RIN1: variants seen among roughly 807,000 people sequenced by gnomAD.
RIN1 encodes Ras and Rab interactor 1.
A neutral mutation model predicts 64.9 loss-of-function variants in RIN1; 52 were observed. The ratio of observed to expected loss-of-function variants is 0.80; its 90% CI spans 0.64 to 1.01. The LOEUF (loss-of-function observed/expected upper bound fraction) is 1.01, where lower values mean the gene tolerates loss of function less well. Ranked by LOEUF, RIN1 falls within the 50% of genes least tolerant of loss-of-function variation. RIN1 has a pLI of 0.00. For missense variants in RIN1, 1,040 were observed against 1,064.5 expected, an observed-to-expected ratio of 0.98 and a Z score of 0.32; for synonymous variants, 486 against 483.6, an observed-to-expected ratio of 1.00 and a Z score of -0.06.
chr11:66,334,933 C>A lies in RIN1; in HGVS notation c.866G>T (p.Arg289Met). ...CACGCGGTACCCCACTGAGCTCTCC[C>A]TCCGTAGCAGCTGGCAAGGGGGCAG... ...ERLPPCQLLR[R>M]ESSVGYRVPA... Residue 289 changes from arginine to methionine, a missense_variant, in exon 6 of 10, where the codon AGG becomes ATG. Arg to Met is a moderately conservative substitution (Grantham distance 91, BLOSUM62 -1). Transcript: ENST00000311320. 6.3e-7 allele frequency: 1 copy of A among 1,587,286 alleles called. No individual in the cohort carries two copies.
chr11:66,332,411 A>G lies in RIN1; in HGVS notation c.2217T>C (p.Ala739=). Residue 739 remains alanine (A), a synonymous_variant, in exon 10 of 10, where the codon GCT becomes GCC. Coordinates refer to ENST00000311320, the MANE Select transcript of RIN1 (RefSeq NM_004292.3). ...EEQGCQGDGD[A]GVKASPRDIR... ...TGTCCCTGGGGCTGGCTTTGACCCCAGCATCCCCATCTCCCTGGCACCCTT... is the reference window on the plus strand; with the variant it reads ...TGTCCCTGGGGCTGGCTTTGACCCCGGCATCCCCATCTCCCTGGCACCCTT... 6.2e-7 allele frequency: 1 copy of G among 1,614,066 alleles called. No homozygotes were observed. The highest frequency in any genetic ancestry group is 1.3e-5 in the African/African-American group (1 of 74,988).
Position 66,332,733 on chromosome 11 carries a change from T to C in RIN1, c.1895A>G (p.Tyr632Cys), listed in dbSNP as rs1168225352. Residue 632 changes from tyrosine (Y) to cysteine (C), a missense_variant, in exon 10 of 10, where the codon TAT becomes TGT. Transcript: ENST00000311320. ...GGTGCAGCCACTGCTGGGATCCTGA[T>C]AGGCTACTCGGAGGAGGTGCTATGC... ...HCFQHLLRVA[Y>C]QDPSSGCTSK... is the part of the protein sequence containing the mutation. The C allele has an allele frequency of 1.3e-6, 2 of 1,518,998 alleles. No individual in the cohort carries two copies. Among genetic ancestry groups the C allele is most frequent in the Non-Finnish European group, 1.8e-6 (2 of 1,134,650 alleles). The allele number at this position is 1,518,998 out of a possible 1,614,324, so 94.1% of individuals were successfully genotyped here. A position where few individuals can be genotyped will look rare whatever the true frequency, so the allele number is the denominator to read the frequency against.
Position 66,336,321 on chromosome 11 carries a change from C to G in RIN1, c.82G>C (p.Glu28Gln), listed in dbSNP as rs368467560. 337 of 1,612,748 alleles carry G rather than the reference C, an allele frequency of 2.1e-4. 1 individual carries two copies. The highest frequency in any genetic ancestry group is 2.7e-4 in the Non-Finnish European group (322 of 1,179,480). Residue 28 changes from glutamate to glutamine, a missense_variant, in exon 1 of 10, where the codon GAA (glutamate) becomes CAA (glutamine). Glu to Gln is a conservative substitution (Grantham distance 29, BLOSUM62 2). Transcript: ENST00000311320. ...SSFTTGHLAR[E>Q]KPAQDPLYDV... ...TGCCCTGCCAACTTCACTAACTTTT[C>G]TCTCGCCAGGTGCCCAGTAGTGAAG...
At chr11:66,336,654 C>G, upstream of RIN1, 1 of 489,100 alleles carries the variant, frequency 2.0e-6, no homozygotes, top group Non-Finnish European at 3.7e-6. Context: ...CGGCCTCCTG[C>G]AGCCTCACCA....
chr11:66,333,136 A>G (rs1854777892), intron 9 of RIN1, 122 bp downstream of exon 9: 2 of 1,238,386 alleles, frequency 1.6e-6, no homozygotes, highest in Admixed American at 1.9e-5. Context: ...CCCACAACCC[A>G]GTGGCAGAGC....
Position 66,334,164 on chromosome 11 carries a change from G to A in RIN1, c.1346C>T (p.Ala449Val). Residue 449 changes from alanine to valine, a missense_variant, in exon 7 of 10, where the codon GCA becomes GTA. Transcript: ENST00000311320. ...GGCAAGCCGGCGCCGCAGGCGGGCT[G>A]CCAGGATGGGCCGGAGAGGCTTGAG... is the stretch of plus-strand genomic sequence containing the variant. ...SVLKPLRPIL[A>V]ARLRRRLAAD... 2 of 1,536,856 alleles carry A rather than the reference G, an allele frequency of 1.3e-6. No individual in the cohort carries two copies. Among genetic ancestry groups the A allele is most frequent in the Non-Finnish European group, 1.7e-6 (2 of 1,146,886 alleles).
rs746707997 is a variant in RIN1, at chr11:66,332,428, G to A, written c.2200C>T (p.Gln734Ter). The part of the protein sequence containing the change: ...ARSRGEEQGC[Q>*]GDGDAGVKAS... ...TTGACCCCAGCATCCCCATCTCCCT[G>A]GCACCCTTGCTCCTCCCCTCTGCTT... Residue 734 changes from glutamine (Q) to a stop codon, truncating the protein, a stop_gained, in exon 10 of 10, where the codon CAG (glutamine) becomes TAG (stop). Coordinates refer to ENST00000311320, the MANE Select transcript of RIN1 (RefSeq NM_004292.3). LOFTEE classifies it high-confidence loss of function. The A allele has an allele frequency of 9.9e-6, 16 of 1,614,022 alleles. No individual in the cohort carries two copies. The African/African-American group carries it at 1.7e-4, about 18-fold the overall frequency.
In RIN1 at chr11:66,332,021, G is replaced by A. The variant is rs1854743074; in HGVS notation, c.*255C>T. The stretch of plus-strand genomic sequence containing the variant: ...ACTTGGCACACCCTCATTGCAGGCT[G>A]GCTCACCCTCAGCTGGGGGAGAAGA... On this transcript the variant is annotated 3_prime_UTR_variant, in exon 10 of 10. Coordinates refer to ENST00000311320, the MANE Select transcript of RIN1 (RefSeq NM_004292.3). The A allele has an allele frequency of 1.8e-6, 1 of 557,058 alleles. No homozygotes were observed. Among genetic ancestry groups the A allele is most frequent in the Non-Finnish European group, 3.2e-6 (1 of 312,508 alleles). The allele number at this position is 557,058 out of a possible 1,614,324, so 34.5% of individuals were successfully genotyped here. A position where few individuals can be genotyped will look rare whatever the true frequency, so the allele number is the denominator to read the frequency against.
intron 9 of RIN1, 115 bp downstream of exon 9, chr11:66,333,143 G>A: frequency 1.5e-6 from 2 of 1,315,704 alleles, no homozygotes; most frequent in Non-Finnish European, 2.1e-6. Context: ...CCCAGTGGCA[G>A]AGCCAGGATT....
chr11:66,335,294 G>A (rs1321433915), intron 5 of RIN1, 43 bp from the exon 6 acceptor site: 10 of 1,559,194 alleles, frequency 6.4e-6, no homozygotes, highest in East Asian at 2.3e-5. Context: ...GACTGGTTAG[G>A]GGAAGTTTCC....
chr11:66,334,243 G>C lies in RIN1; in HGVS notation c.1286-19C>G. The C allele has an allele frequency of 6.9e-7, 1 of 1,446,878 alleles. No individual in the cohort carries two copies. The highest frequency in any genetic ancestry group is 9.1e-7 in the Non-Finnish European group (1 of 1,103,492). 89.6% of individuals were successfully genotyped at this position (1,446,878 alleles called of 1,614,324 possible). A position where few individuals can be genotyped will look rare whatever the true frequency, so the allele number is the denominator to read the frequency against. On this transcript the variant is annotated intron_variant, in intron 6 of 9. Transcript: ENST00000311320. ...ACATGTTCTGCCGGAGGGACAGGGA[G>C]GGGTCAGGGGAAGACTGGGGGTATG... is the stretch of plus-strand genomic sequence containing the variant.
chr11:66,333,117 GC>G, intron 9 of RIN1, 140 bp downstream of exon 9: 1 of 1,018,450 alleles, frequency 9.8e-7, no homozygotes, highest in Non-Finnish European at 1.5e-6. Flanking sequence ...TAAGTAACTC[GC>G]CCAAGTCCCC....
rs1311506886 is a variant in RIN1, at chr11:66,335,499, C to CT, written c.456-2dup. 6.2e-7 allele frequency: 1 copy of CT among 1,613,712 alleles called. No homozygotes were observed. The highest frequency in any genetic ancestry group is 1.1e-5 in the South Asian group (1 of 91,068). On this transcript the variant is annotated splice_acceptor_variant, in intron 4 of 9. Coordinates refer to ENST00000311320, the MANE Select transcript of RIN1 (RefSeq NM_004292.3). LOFTEE classifies it high-confidence loss of function. ...CTGCAGCGGGAGGAGAAGGATGTCC[C>CT]TGAGGCCAGAGAGGGGAGCAGAAGG... is the stretch of plus-strand genomic sequence containing the variant.
At position 66,334,538 on chromosome 11, in the gene RIN1, T is replaced by C; in HGVS notation, c.1261A>G (p.Lys421Glu). ...AMLSAELGPE[K>E]LLSPKRLEHV... ...CCCAGCCTCTTAGGCGACAGCAGCT[T>C]CTCAGGGCCCAGCTCCGCACTCAGC... Residue 421 changes from lysine to glutamate, a missense_variant, in exon 6 of 10, where the codon AAG (lysine) becomes GAG (glutamate). Lys to Glu is a moderately conservative substitution (Grantham distance 56). Coordinates refer to ENST00000311320, the MANE Select transcript of RIN1 (RefSeq NM_004292.3). 1 of 1,594,420 alleles carries C rather than the reference T, an allele frequency of 6.3e-7. No homozygotes were observed. The highest frequency in any genetic ancestry group is 1.1e-5 in the South Asian group (1 of 87,560).
At position 66,333,307 on chromosome 11, in the gene RIN1, G is replaced by A; in HGVS notation, c.1826C>T (p.Ser609Phe). The change falls in exon 9 of 10, where the codon TCC (serine) becomes TTC (phenylalanine). Residue 609 changes from serine (S) to phenylalanine (F), a missense_variant. Physicochemically the swap from Ser to Phe is radical, Grantham distance 155. Transcript: ENST00000311320. ...PLSPVQELRR[S>F]LSLWEQRRLP... is the part of the protein sequence containing the mutation. ...GCGGCGCTGCTCCCAGAGGCTGAGG[G>A]AGCGCCGTAGCTCCTGCACGGGGCT... is the stretch of plus-strand genomic sequence containing the variant. 6.2e-7 allele frequency: 1 copy of A among 1,612,694 alleles called. No homozygotes were observed. The highest frequency in any genetic ancestry group is 8.5e-7 in the Non-Finnish European group (1 of 1,180,010).
chr11:66,333,794 G>A (rs150010861), intron 7 of RIN1, 125 bp downstream of exon 7: 1 of 1,417,592 alleles, frequency 7.1e-7, no homozygotes, highest in Non-Finnish European at 9.4e-7. Context: ...TTCGCCATCT[G>A]CAAGAGGGGA....
In RIN1 at chr11:66,336,381, C is replaced by T. The variant is rs772787165; in HGVS notation, c.22G>A (p.Gly8Ser). The change falls in exon 1 of 10, where the codon GGC becomes AGC. Residue 8 changes from glycine (G) to serine (S), a missense_variant. Coordinates refer to ENST00000311320, the MANE Select transcript of RIN1 (RefSeq NM_004292.3). ...CTGGGGGCTCCAGGAGAGCCCGCGC[C>T]TGACTCTCCAGGGCTTTCCATGGCT... MESPGES[G>S]AGSPGAPSPS... 2 of 1,613,622 alleles carry T rather than the reference C, an allele frequency of 1.2e-6. No individual in the cohort carries two copies. The highest frequency in any genetic ancestry group is 1.7e-6 in the Non-Finnish European group (2 of 1,179,838).
intron 6 of RIN1, 124 bp downstream of exon 6, chr11:66,334,390 C>T (rs1318775259): frequency 1.8e-5 from 25 of 1,377,192 alleles, no homozygotes; most frequent in Middle Eastern, 2.3e-4. Flanking sequence ...GGAACTCTCT[C>T]GAACAGTGGT....
In RIN1 at chr11:66,331,839, G is replaced by A; in HGVS notation, c.*437C>T. The A allele has an allele frequency of 4.8e-6, 1 of 206,432 alleles. No individual in the cohort carries two copies. Among genetic ancestry groups the A allele is most frequent in the Non-Finnish European group, 9.8e-6 (1 of 102,140 alleles). 12.8% of individuals were successfully genotyped at this position (206,432 alleles called of 1,614,324 possible). ...CTCTCTAAATCCTCCTGACACCTAA[G>A]AGCCATTGGAACCTTTTAGGGTCTG... On this transcript the variant is annotated 3_prime_UTR_variant, in exon 10 of 10. Transcript: ENST00000311320.
Sources: gnomAD v4.1 joint callset for allele counts on GRCh38, gnomAD v4.1.1 for gene constraint, MANE v1.5 for transcripts, NCBI Gene and HGNC (gene_info 2026-07-23, HGNC 2026-07-21) for gene names.